MEIS2: variants seen among roughly 807,000 people sequenced by gnomAD.
MEIS2 encodes Meis homeobox 2.
In MEIS2, 9 loss-of-function variants were observed where a neutral mutation model predicts 58.6. That is an observed-to-expected ratio of 0.15 (90% CI 0.09 to 0.27). MEIS2 has a LOEUF of 0.27. MEIS2 is among the 10% of genes least tolerant of loss of function. The pLI, the probability that MEIS2 is intolerant of heterozygous loss-of-function variation, is 1.00. For missense variants in MEIS2, 427 were observed against 635.0 expected (o/e 0.67, Z 3.52); for synonymous variants, 221 against 228.4 (o/e 0.97, Z 0.29).
In MEIS2 at chr15:37,055,607, C is replaced by T. The variant is rs113271975; in HGVS notation, c.755-18648G>A. Among the ~76,000 whole-genome samples, 14 of 152,268 alleles carry T rather than the reference C, an allele frequency of 9.2e-5. 1 individual carries two copies. The highest frequency in any genetic ancestry group is 2.9e-4 in the African/African-American group (12 of 41,556). Reference sequence around the variant, plus strand: ...CACTGACAAAAATGTGATAAAAGAACGCCAACCACAGAGGTGGAGAAACCA... The same window carrying T: ...CACTGACAAAAATGTGATAAAAGAATGCCAACCACAGAGGTGGAGAAACCA... On this transcript the variant is annotated intron_variant, in intron 7 of 11. Transcript: ENST00000561208.
intron 9 of MEIS2, among the ~76,000 whole-genome samples, chr15:36,942,263 G>A (rs2058402570): frequency 6.6e-6 from 1 of 152,096 alleles, no homozygotes; most frequent in East Asian, 1.9e-4. Context: ...TATAATTACA[G>A]TAAAAACAGT....
At chr15:37,092,586 A>C (rs2140085654) in intron 6 of MEIS2, among the ~76,000 whole-genome samples, 1 of 151,976 alleles carries the variant, frequency 6.6e-6, no homozygotes, top group Non-Finnish European at 1.5e-5. Flanking sequence ...TCCTATAAAT[A>C]AAACTGCTGT....
At chr15:36,970,336 G>A (rs952939139) in intron 8 of MEIS2, among the ~76,000 whole-genome samples, 9 of 151,650 alleles carry the variant, frequency 5.9e-5, no homozygotes, top group South Asian at 2.1e-4. Flanking sequence ...CCCGGGAGGC[G>A]GAGCTTGCAG....
rs143282005 is a variant in MEIS2, at chr15:36,997,369, A to G, written c.900+39445T>C. Among the ~76,000 whole-genome samples the G allele has an allele frequency of 9.3e-3, 1,419 of 152,288 alleles. 18 individuals are homozygous for G. Among genetic ancestry groups the G allele is most frequent in the African/African-American group, 0.032 (1,323 of 41,542 alleles). On this transcript the variant is annotated intron_variant, in intron 8 of 11. Coordinates refer to ENST00000561208, the MANE Select transcript of MEIS2 (RefSeq NM_170675.5). ...TTCCACCTTTTTTGAGAAAGAATGA[A>G]CATTTTGCTAACTTTGAGTTAGGAA...
chr15:37,051,930 T>G (rs1254017962), intron 7 of MEIS2, among the ~76,000 whole-genome samples: 1 of 152,002 alleles, frequency 6.6e-6, no homozygotes, highest in Non-Finnish European at 1.5e-5. Context: ...TCTCCATTGT[T>G]CAAATGTCAT....
At chr15:36,966,464 G>A (rs997022070) in intron 8 of MEIS2, among the ~76,000 whole-genome samples, 14 of 152,030 alleles carry the variant, frequency 9.2e-5, no homozygotes, top group Non-Finnish European at 2.1e-4. Context: ...GGAATCAGAC[G>A]GTCCTGGCTT....
intron 9 of MEIS2, among the ~76,000 whole-genome samples, chr15:36,928,413 T>A (rs1419908122): frequency 6.6e-6 from 1 of 152,132 alleles, no homozygotes; most frequent in Non-Finnish European, 1.5e-5. Flanking sequence ...ATTATCCCAG[T>A]TTGATGGATG....
intron 8 of MEIS2, among the ~76,000 whole-genome samples, chr15:37,036,163 G>A (rs986667871): frequency 1.3e-5 from 2 of 152,180 alleles, no homozygotes; most frequent in African/African-American, 4.8e-5. Context: ...CTTTTAAAAT[G>A]TCTCACATAG....
chr15:36,927,401 C>T (rs1014092975), intron 9 of MEIS2, among the ~76,000 whole-genome samples: 14 of 150,950 alleles, frequency 9.3e-5, no homozygotes, highest in Admixed American at 3.3e-4. Context: ...CAGAAGGAAA[C>T]GAAGGAAGGA....
chr15:37,009,158 G>A lies in MEIS2; in HGVS notation c.900+27656C>T, dbSNP rs894954010. ...CAAAAAATTAACCAGGCGTGGTGGC[G>A]GGCGCCTATAGTCCCAGCTACTCGG... On this transcript the variant is annotated intron_variant, in intron 8 of 11. Coordinates refer to ENST00000561208, the MANE Select transcript of MEIS2 (RefSeq NM_170675.5). Among the ~76,000 whole-genome samples, 201 of 152,210 alleles carry A rather than the reference G, an allele frequency of 1.3e-3. 1 individual carries two copies. Among genetic ancestry groups the A allele is most frequent in the East Asian group, 6.2e-3 (32 of 5,162 alleles).
intron 7 of MEIS2, among the ~76,000 whole-genome samples, chr15:37,079,039 C>G (rs1025571724): frequency 2.0e-5 from 3 of 152,054 alleles, no homozygotes; most frequent in Non-Finnish European, 4.4e-5. Context: ...CTAATGGTTA[C>G]TACTCTAAAA....
chr15:36,933,225 A>G (rs2058045899), intron 9 of MEIS2, among the ~76,000 whole-genome samples: 1 of 152,168 alleles, frequency 6.6e-6, no homozygotes, highest in Non-Finnish European at 1.5e-5. Flanking sequence ...TTGAACAAGT[A>G]GGAACACTAT....
At chr15:37,098,268 G>A in intron 1 of MEIS2, 69 bp from the exon 2 acceptor site, 1 of 1,461,750 alleles carries the variant, frequency 6.8e-7, no homozygotes, top group Non-Finnish European at 9.1e-7. Context: ...GGTGGAAAGG[G>A]AAAAAGAGCA....
chr15:36,990,013 C>T (rs908977299), intron 8 of MEIS2, among the ~76,000 whole-genome samples: 59 of 152,126 alleles, frequency 3.9e-4, no homozygotes, highest in African/African-American at 1.3e-3. Context: ...GGCACAATCT[C>T]GGCTAACTGC....
intron 7 of MEIS2, among the ~76,000 whole-genome samples, chr15:37,067,995 A>G (rs1424125417): frequency 2.0e-5 from 3 of 152,172 alleles, no homozygotes; most frequent in Admixed American, 1.3e-4. Flanking sequence ...AGCATATTGT[A>G]TTATAGATGC....
chr15:36,889,782 T>G lies in MEIS2; in HGVS notation c.*2391A>C, dbSNP rs1005485938. The G allele has an allele frequency of 3.3e-5, 5 of 152,152 alleles. No homozygotes were observed. Among genetic ancestry groups the G allele is most frequent in the African/African-American group, 1.2e-4 (5 of 41,438 alleles). The allele number at this position is 152,152 out of a possible 1,614,324, so 9.4% of individuals were successfully genotyped here. On this transcript the variant is annotated 3_prime_UTR_variant, in exon 12 of 12. Coordinates refer to ENST00000561208, the MANE Select transcript of MEIS2 (RefSeq NM_170675.5). ...ATTTTCATAGTTTACATAAAAGTAT[T>G]TAAAGTAAAAATAGGCAAATATTTA...
chr15:36,950,038 T>A (rs1236896633), intron 9 of MEIS2, among the ~76,000 whole-genome samples: 1 of 151,702 alleles, frequency 6.6e-6, no homozygotes, highest in African/African-American at 2.4e-5. Flanking sequence ...TCGAGAATTT[T>A]AAAGCATCAG....
rs535202240 is a variant in MEIS2, at chr15:37,027,293, C to A, written c.900+9521G>T. On this transcript the variant is annotated intron_variant, in intron 8 of 11. Coordinates refer to ENST00000561208, the MANE Select transcript of MEIS2 (RefSeq NM_170675.5). Reference sequence around the variant, plus strand: ...TCTGTGCAGTAACACTTTCTAAAATCGAAATTAGTCTTGAATGTTAGGGTC... The same window carrying A: ...TCTGTGCAGTAACACTTTCTAAAATAGAAATTAGTCTTGAATGTTAGGGTC... Among the ~76,000 whole-genome samples, 5 of 152,272 alleles carry A rather than the reference C, an allele frequency of 3.3e-5. No homozygotes were observed. The South Asian group carries it at 1.0e-3, about 32-fold the overall frequency.
At position 36,997,548 on chromosome 15, in the gene MEIS2, G is replaced by A. The variant is rs534514754; in HGVS notation, c.900+39266C>T. Among the ~76,000 whole-genome samples, 798 of 150,076 alleles carry A rather than the reference G, an allele frequency of 5.3e-3. 6 individuals are homozygous for A. The highest frequency in any genetic ancestry group is 0.019 in the African/African-American group (769 of 40,812). ...GTTGCCCAGGCTGGACTGCATTGGC[G>A]CGATCTCGGCTCACTGCAAGCTCCA... On this transcript the variant is annotated intron_variant, in intron 8 of 11. Transcript: ENST00000561208.
Sources: gnomAD v4.1 joint callset for allele counts (sites outside exome capture counted in the v4.1 genomes callset) on GRCh38, gnomAD v4.1.1 for gene constraint, MANE v1.5 for transcripts, NCBI Gene and HGNC (gene_info 2026-07-23, HGNC 2026-07-21) for gene names.